Variants in GPC5 observed in about 807,000 individuals in gnomAD.
The protein encoded by GPC5 is glypican 5.
Under a neutral mutation model 53.9 loss-of-function variants are expected in GPC5, and 47 were observed. The ratio of observed to expected loss-of-function variants is 0.87; its 90% CI spans 0.69 to 1.11. The LOEUF (loss-of-function observed/expected upper bound fraction) is 1.11, where lower values mean the gene tolerates loss of function less well. GPC5 is among the 50% of genes most tolerant of loss of function. The probability of loss-of-function intolerance (pLI) is 0.00; values close to 1 mark genes in which losing one functional copy is unlikely to be tolerated. For missense variants in GPC5, 748 were observed against 713.1 expected, an observed-to-expected ratio of 1.05 and a Z score of -0.56; for synonymous variants, 286 against 263.3, an observed-to-expected ratio of 1.09 and a Z score of -0.84.
intron 2 of GPC5, among the ~76,000 whole-genome samples, chr13:91,461,548 C>G (rs77864052): frequency 0.02 from 3,046 of 152,180 alleles, 41 homozygotes; most frequent in African/African-American, 0.029. Context: ...GATAATAGTA[C>G]CTTCTTCTAG....
At chr13:92,134,980 C>A (rs1274018561) in intron 6 of GPC5, among the ~76,000 whole-genome samples, 1 of 152,086 alleles carries the variant, frequency 6.6e-6, no homozygotes, top group Non-Finnish European at 1.5e-5. Flanking sequence ...ATTTGCGTCA[C>A]ACATCTAATT....
At chr13:91,655,578 A>C (rs2034825555) in intron 2 of GPC5, among the ~76,000 whole-genome samples, 1 of 152,098 alleles carries the variant, frequency 6.6e-6, no homozygotes, top group African/African-American at 2.4e-5. Context: ...GTCAAAACCA[A>C]CAAATATTTT....
chr13:92,693,323 A>G (rs1166780851), intron 7 of GPC5, among the ~76,000 whole-genome samples: 3 of 152,182 alleles, frequency 2.0e-5, no homozygotes, highest in Non-Finnish European at 2.9e-5. Context: ...AGGTTGGAAC[A>G]GTTTAGAAGG....
intron 2 of GPC5, among the ~76,000 whole-genome samples, chr13:91,561,846 A>G (rs757894290): frequency 1.3e-5 from 2 of 152,164 alleles, no homozygotes; most frequent in African/African-American, 2.4e-5. Context: ...AAAAATCAAC[A>G]TGGTACCTAG....
chr13:91,747,957 A>C (rs1189114476), intron 4 of GPC5, among the ~76,000 whole-genome samples: 1 of 152,226 alleles, frequency 6.6e-6, no homozygotes, highest in African/African-American at 2.4e-5. Context: ...ACTGGTTCTC[A>C]AACATGGTTG....
intron 7 of GPC5, among the ~76,000 whole-genome samples, chr13:92,332,693 A>G (rs2043296543): frequency 6.6e-6 from 1 of 152,220 alleles, no homozygotes; most frequent in Non-Finnish European, 1.5e-5. Flanking sequence ...TAATTTGGAA[A>G]TGAGTTAGAC....
chr13:92,827,845 A>G (rs1012625734), intron 7 of GPC5, among the ~76,000 whole-genome samples: 1 of 152,106 alleles, frequency 6.6e-6, no homozygotes, highest in Admixed American at 6.6e-5. Flanking sequence ...CAACGGTTGG[A>G]GTCAACTGGG....
chr13:92,127,116 T>C (rs1445630069), intron 6 of GPC5, among the ~76,000 whole-genome samples: 1 of 151,938 alleles, frequency 6.6e-6, no homozygotes, highest in African/African-American at 2.4e-5. Flanking sequence ...GGGGGGGTGA[T>C]TGCATACTTC....
At chr13:91,646,470 C>T (rs1236245094) in intron 2 of GPC5, among the ~76,000 whole-genome samples, 1 of 151,482 alleles carries the variant, frequency 6.6e-6, no homozygotes, top group Non-Finnish European at 1.5e-5. Flanking sequence ...TAGTTATCTA[C>T]ATTTAGATAC....
chr13:92,740,636 C>G (rs563103458), intron 7 of GPC5, among the ~76,000 whole-genome samples: 1 of 151,944 alleles, frequency 6.6e-6, no homozygotes, highest in South Asian at 2.1e-4. Context: ...CTAAAAGTAC[C>G]AGGAAGACTT....
intron 5 of GPC5, among the ~76,000 whole-genome samples, chr13:91,900,551 A>T (rs1428773533): frequency 6.6e-6 from 1 of 152,100 alleles, no homozygotes; most frequent in Non-Finnish European, 1.5e-5. Context: ...TTGGACAGTC[A>T]CTTTGAATCA....
At chr13:92,797,868 G>GATAGATAGAAAA (rs1269748236) in intron 7 of GPC5, among the ~76,000 whole-genome samples, 1 of 137,410 alleles carries the variant, frequency 7.3e-6, no homozygotes, top group Non-Finnish European at 1.6e-5. Flanking sequence ...TAGATAGATA[G>GATAGATAGAAAA]ATGATAGATG....
intron 2 of GPC5, among the ~76,000 whole-genome samples, chr13:91,495,463 C>A (rs774516632): frequency 7.9e-5 from 12 of 152,164 alleles, no homozygotes; most frequent in Non-Finnish European, 1.6e-4. Context: ...AACCTATACT[C>A]AATTTGACAT....
At chr13:91,675,171 A>G (rs866774390) in intron 2 of GPC5, among the ~76,000 whole-genome samples, 1 of 152,050 alleles carries the variant, frequency 6.6e-6, no homozygotes, top group African/African-American at 2.4e-5. Flanking sequence ...GGAAAAAAAA[A>G]CCTATTGGGT....
intron 7 of GPC5, among the ~76,000 whole-genome samples, chr13:92,633,744 T>C (rs895470154): frequency 6.6e-6 from 1 of 152,154 alleles, no homozygotes; most frequent in African/African-American, 2.4e-5. Flanking sequence ...TTCTGCCATA[T>C]TAATCAGTAC....
At chr13:91,477,342 G>A (rs1341005932) in intron 2 of GPC5, among the ~76,000 whole-genome samples, 2 of 152,050 alleles carry the variant, frequency 1.3e-5, no homozygotes, top group Non-Finnish European at 2.9e-5. Context: ...TGTTTTCAGC[G>A]GTATTACTGG....
chr13:92,058,567 CTTAT>C (rs1448832957), intron 6 of GPC5, among the ~76,000 whole-genome samples: 1 of 152,008 alleles, frequency 6.6e-6, no homozygotes, highest in South Asian at 2.1e-4. Flanking sequence ...TATTTATTTA[CTTAT>C]TTATTTATTT....
intron 7 of GPC5, among the ~76,000 whole-genome samples, chr13:92,584,676 C>T (rs1883479101): frequency 1.3e-5 from 2 of 152,166 alleles, no homozygotes; most frequent in Non-Finnish European, 1.5e-5. Flanking sequence ...GGGACAATGT[C>T]TCCAGGGGAT....
chr13:91,667,600 C>G (rs765204309), intron 2 of GPC5, among the ~76,000 whole-genome samples: 28 of 152,288 alleles, frequency 1.8e-4, no homozygotes, highest in Non-Finnish European at 4.4e-5. Flanking sequence ...TCGCCAGTCT[C>G]TCCCCCATAT....
Sources: gnomAD v4.1 joint callset for allele counts (sites outside exome capture counted in the v4.1 genomes callset) on GRCh38, gnomAD v4.1.1 for gene constraint, MANE v1.5 for transcripts, NCBI Gene and HGNC (gene_info 2026-07-23, HGNC 2026-07-21) for gene names.